The following CCDC191 variants were observed in gnomAD, a reference collection of about 807,000 sequenced individuals.
CCDC191 encodes the protein coiled-coil domain-containing protein 191.
Under a neutral mutation model 114.0 loss-of-function variants are expected in CCDC191, and 99 were observed. The ratio of observed to expected loss-of-function variants is 0.87; its 90% CI spans 0.74 to 1.03. The LOEUF is 1.03. CCDC191 is among the 50% of genes least tolerant of loss of function. CCDC191 has a pLI of 0.00. For missense variants in CCDC191, 973 were observed against 1,087.0 expected (o/e 0.90, Z 1.47); for synonymous variants, 351 against 376.0 (o/e 0.93, Z 0.77).
At chr3:114,003,519 C>T in intron 11 of CCDC191, 1 of 985,398 alleles carries the variant, frequency 1.0e-6, no homozygotes, top group Non-Finnish European at 1.2e-6. Context: ...GAAGCAGAGT[C>T]TCTGGTAATA....
chr3:113,966,465 G>A (rs2107544044), intron 16 of CCDC191, among the ~76,000 whole-genome samples: 1 of 152,288 alleles, frequency 6.6e-6, no homozygotes, highest in African/African-American at 2.4e-5. Flanking sequence ...CAGCACAGAG[G>A]ACTACCCAGT....
Position 114,005,826 on chromosome 3 carries a change from T to C in CCDC191, c.1550A>G (p.Asn517Ser), listed in dbSNP as rs2075947258. ...AGCACCCAGGGTCTTGTGCTGCTTA[T>C]TGCCAGGTGCACTCAGAGAGACATT... ...LQNVSLSAPG[N>S]KQHKTLGAEP... The change falls in exon 10 of 17, where the codon AAT (asparagine) becomes AGT (serine). Residue 517 changes from asparagine (N) to serine (S), a missense_variant. Transcript: ENST00000295878. 6.2e-7 allele frequency: 1 copy of C among 1,614,070 alleles called. No homozygotes were observed. The highest frequency in any genetic ancestry group is 8.5e-7 in the Non-Finnish European group (1 of 1,179,968).
chr3:114,040,137 T>C (rs2076541248), intron 4 of CCDC191, among the ~76,000 whole-genome samples: 1 of 152,212 alleles, frequency 6.6e-6, no homozygotes, highest in Non-Finnish European at 1.5e-5. Flanking sequence ...GACACCCAAA[T>C]ACTTACCATT....
In CCDC191 at chr3:114,041,152, ATTAGATTCCATATATTTGC is replaced by A. The variant is rs2076554163; in HGVS notation, c.415+1532_415+1550del. 2.0e-5 allele frequency among the ~76,000 whole-genome samples: 3 copies of A among 152,310 alleles called. No individual in the cohort carries two copies. In the South Asian group the frequency reaches 6.2e-4, roughly 32 times the overall value. ...CTATATCAAAAGAAGTAATAGTTTC[ATTAGATTCCATATATTTGC>A]TTCAGAACAAATATGAAGTACTGAA... On this transcript the variant is annotated intron_variant, in intron 4 of 16. Transcript: ENST00000295878.
At chr3:114,004,769 G>T in intron 10 of CCDC191, 23 bp from the exon 11 acceptor site, 1 of 1,602,476 alleles carries the variant, frequency 6.2e-7, no homozygotes, top group South Asian at 1.1e-5. Context: ...TAAAGGAAAG[G>T]AATTTAGACT....
At chr3:114,025,271 A>C (rs2107712535) in intron 7 of CCDC191, among the ~76,000 whole-genome samples, 1 of 151,862 alleles carries the variant, frequency 6.6e-6, no homozygotes, top group Middle Eastern at 3.4e-3. Context: ...AAAAAAAAAA[A>C]AACAAAACCC....
intron 7 of CCDC191, among the ~76,000 whole-genome samples, 187 bp from the exon 8 acceptor site, chr3:114,019,055 T>A (rs1049228208): frequency 2.0e-5 from 3 of 152,098 alleles, no homozygotes; most frequent in Admixed American, 6.5e-5. Flanking sequence ...GAATATTCAA[T>A]CATGCAAATG....
intron 16 of CCDC191, 121 bp downstream of exon 16, chr3:113,978,065 C>T: frequency 9.3e-7 from 1 of 1,070,234 alleles, no homozygotes. Context: ...CCACCCCTGA[C>T]TGGTGTTTCC....
chr3:113,984,421 G>A (rs2075282176), intron 13 of CCDC191: 1 of 152,168 alleles, frequency 6.6e-6, no homozygotes, highest in Non-Finnish European at 1.5e-5. Flanking sequence ...TTGATATCCA[G>A]AGGAATAACA....
At chr3:114,033,086 C>CT (rs79462907) in intron 6 of CCDC191, among the ~76,000 whole-genome samples, 3,509 of 144,272 alleles carry the variant, frequency 0.024, 138 homozygotes, top group African/African-American at 0.079. Flanking sequence ...ATCCATATTT[C>CT]TTTTTTTTTT....
At chr3:114,041,185 T>C (rs1158553541) in intron 4 of CCDC191, among the ~76,000 whole-genome samples, 3 of 152,168 alleles carry the variant, frequency 2.0e-5, no homozygotes, top group African/African-American at 7.2e-5. Context: ...AGAACAAATA[T>C]GAAGTACTGA....
intron 7 of CCDC191, among the ~76,000 whole-genome samples, chr3:114,027,124 G>A (rs544449640): frequency 2.6e-5 from 4 of 152,200 alleles, no homozygotes; most frequent in African/African-American, 9.6e-5. Flanking sequence ...GAGAAAATGG[G>A]ATAGGCTGGA....
intron 2 of CCDC191, among the ~76,000 whole-genome samples, chr3:114,050,246 C>T (rs1388286261): frequency 6.6e-6 from 1 of 152,220 alleles, no homozygotes; most frequent in Non-Finnish European, 1.5e-5. Flanking sequence ...TCCTTTGTAG[C>T]CTAGCAACAT....
chr3:114,033,282 C>A (rs1394363732), intron 6 of CCDC191, among the ~76,000 whole-genome samples: 2 of 151,638 alleles, frequency 1.3e-5, no homozygotes, highest in African/African-American at 4.8e-5. Flanking sequence ...ATATTTCTAC[C>A]CAGAAAAAAA....
chr3:113,966,334 T>C (rs1240111650), intron 16 of CCDC191, among the ~76,000 whole-genome samples: 1 of 152,206 alleles, frequency 6.6e-6, no homozygotes, highest in Non-Finnish European at 1.5e-5. Context: ...TTAGGATTTA[T>C]TAGTGTCCAC....
chr3:113,970,566 T>C (rs1254117352), intron 16 of CCDC191, among the ~76,000 whole-genome samples: 1 of 152,124 alleles, frequency 6.6e-6, no homozygotes, highest in Non-Finnish European at 1.5e-5. Context: ...GCCAGGATGT[T>C]GATTTTTCTT....
intron 13 of CCDC191, among the ~76,000 whole-genome samples, chr3:113,982,415 T>C (rs1232985195): frequency 1.3e-5 from 2 of 152,174 alleles, no homozygotes. Flanking sequence ...GTTTATAAAA[T>C]GTCTTTAATA....
At chr3:114,009,687 T>C (rs1419980938) in intron 9 of CCDC191, among the ~76,000 whole-genome samples, 1 of 152,206 alleles carries the variant, frequency 6.6e-6, no homozygotes, top group Admixed American at 6.5e-5. Flanking sequence ...ATCAAAGAGA[T>C]ACAAATGTTG....
intron 2 of CCDC191, among the ~76,000 whole-genome samples, 179 bp downstream of exon 2, chr3:114,053,418 G>GA (rs1348141996): frequency 2.6e-5 from 4 of 152,074 alleles, no homozygotes; most frequent in Non-Finnish European, 5.9e-5. Context: ...GGTATCATGA[G>GA]AGGCAACAGA....
Sources: gnomAD v4.1 joint callset for allele counts (sites outside exome capture counted in the v4.1 genomes callset) on GRCh38, gnomAD v4.1.1 for gene constraint, MANE v1.5 for transcripts, NCBI Gene and HGNC (gene_info 2026-07-23, HGNC 2026-07-21) for gene names.